Variants in RAB27A observed in about 807,000 individuals in gnomAD.
The protein encoded by RAB27A is ras-related protein Rab-27A.
A neutral mutation model predicts 20.8 loss-of-function variants in RAB27A; 17 were observed. That is an observed-to-expected ratio of 0.82 (90% CI 0.56 to 1.23). RAB27A has a LOEUF of 1.23. Among genes scored for constraint, RAB27A ranks in the 50% most tolerant of loss-of-function variants. The probability of loss-of-function intolerance (pLI) is 0.00; values close to 1 mark genes in which losing one functional copy is unlikely to be tolerated. For synonymous variants in RAB27A, 85 were observed against 92.8 expected (o/e 0.92, Z 0.48); for missense variants, 277 against 266.7 (o/e 1.04, Z -0.27).
chr15:55,211,494 TA>T (rs1190467435), intron 6 of RAB27A, among the ~76,000 whole-genome samples: 9 of 152,222 alleles, frequency 5.9e-5, no homozygotes, highest in African/African-American at 2.2e-4. Context: ...GATTTCTAGG[TA>T]TTTTATATTC....
intron 2 of RAB27A, among the ~76,000 whole-genome samples, chr15:55,304,454 A>G (rs949147390): frequency 1.4e-5 from 2 of 138,530 alleles, no homozygotes; most frequent in Non-Finnish European, 3.0e-5. Flanking sequence ...CCCAAGAATT[A>G]TCAATAAAAA....
At chr15:55,276,053 AT>A (rs1300566592) in intron 1 of RAB27A, among the ~76,000 whole-genome samples, 1 of 152,112 alleles carries the variant, frequency 6.6e-6, no homozygotes, top group African/African-American at 2.4e-5. Flanking sequence ...CTTTAAAAAA[AT>A]GTTTTCAAAA....
intron 2 of RAB27A, among the ~76,000 whole-genome samples, chr15:55,303,545 C>T (rs1455008687): frequency 1.7e-5 from 1 of 60,060 alleles, no homozygotes; most frequent in Non-Finnish European, 3.0e-5. Flanking sequence ...CCAGCCGCCC[C>T]GTCCGGGAGG....
intron 1 of RAB27A, chr15:55,288,889 CTT>C (rs1261308379): frequency 6.6e-6 from 1 of 151,754 alleles, no homozygotes; most frequent in African/African-American, 2.4e-5. Context: ...TTACAGAAAA[CTT>C]AAATAGCACA....
At chr15:55,220,245 G>C (rs1017115470) in intron 6 of RAB27A, among the ~76,000 whole-genome samples, 4 of 147,448 alleles carry the variant, frequency 2.7e-5, no homozygotes, top group African/African-American at 1.0e-4. Context: ...GGGTTTTTTT[G>C]TTTGTTTGTT....
intron 2 of RAB27A, among the ~76,000 whole-genome samples, chr15:55,252,905 C>T (rs572161296): frequency 2.0e-5 from 3 of 152,016 alleles, no homozygotes; most frequent in Non-Finnish European, 2.9e-5. Context: ...GAGGCCAAGG[C>T]GGGTGGATCA....
At chr15:55,269,498 G>A (rs142010772) in intron 2 of RAB27A, among the ~76,000 whole-genome samples, 4,394 of 152,254 alleles carry the variant, frequency 0.029, 76 homozygotes, top group Non-Finnish European at 0.041. Flanking sequence ...TGTAATCCCA[G>A]CACTTTGGGA....
chr15:55,295,113 A>C (rs1168922926), intron 2 of RAB27A, among the ~76,000 whole-genome samples: 1 of 152,202 alleles, frequency 6.6e-6, no homozygotes, highest in African/African-American at 2.4e-5. Flanking sequence ...TTAGTCATTA[A>C]GAAAATGTGA....
chr15:55,293,051 G>A (rs1432534639), upstream of RAB27A, among the ~76,000 whole-genome samples: 7 of 152,116 alleles, frequency 4.6e-5, no homozygotes, highest in Non-Finnish European at 1.0e-4. Context: ...ACTTCTTACT[G>A]CAGCCACAGA....
intron 6 of RAB27A, 107 bp from the exon 7 acceptor site, chr15:55,205,812 T>C: frequency 9.4e-7 from 1 of 1,065,534 alleles, no homozygotes; most frequent in Non-Finnish European, 1.4e-6. Flanking sequence ...ATATACAAGA[T>C]GACAAACATT....
rs540354545 is a variant in RAB27A at position 55,212,988 on chromosome 15, G to C, written c.468-7283C>G. Among the ~76,000 whole-genome samples, 33 of 152,256 alleles carry C rather than the reference G, an allele frequency of 2.2e-4. No homozygotes were observed. In the South Asian group the frequency reaches 3.9e-3, roughly 18 times the overall value. On this transcript the variant is annotated intron_variant, in intron 6 of 6. Transcript: ENST00000336787. ...TGTCGAAGTCATCCTTTATACATTT[G>C]AGATGGTCTTTGCAACAGGATTAAT...
chr15:55,254,278 T>C (rs550733994), intron 2 of RAB27A, among the ~76,000 whole-genome samples: 36 of 152,124 alleles, frequency 2.4e-4, no homozygotes, highest in Non-Finnish European at 4.9e-4. Flanking sequence ...TTCCTATACA[T>C]ACTTGCTTAT....
intron 6 of RAB27A, among the ~76,000 whole-genome samples, chr15:55,215,404 G>A (rs929402619): frequency 2.0e-5 from 3 of 152,118 alleles, no homozygotes; most frequent in African/African-American, 7.2e-5. Flanking sequence ...TGTCATCCCA[G>A]CACTTTGGGA....
At chr15:55,236,722 G>A (rs8038540) in intron 2 of RAB27A, among the ~76,000 whole-genome samples, 6,933 of 151,968 alleles carry the variant, frequency 0.046, 546 homozygotes, top group African/African-American at 0.16. Flanking sequence ...AAATTTTATT[G>A]ATACATAATA....
rs564972622 is a variant in RAB27A, at chr15:55,277,974, T to C, written c.-142-7690A>G. ...GAAAGATAATATCTGCTTTGAAAGA[T>C]TGTTGAGGATTAAATGAGAAAATGT... On this transcript the variant is annotated intron_variant, in intron 1 of 6. Coordinates refer to ENST00000336787, the MANE Select transcript of RAB27A (RefSeq NM_183235.3). Among the ~76,000 whole-genome samples, 6 of 152,360 alleles carry C rather than the reference T, an allele frequency of 3.9e-5. No homozygotes were observed. The East Asian group carries it at 1.2e-3, about 29-fold the overall frequency.
At position 55,262,415 on chromosome 15, in the gene RAB27A, A is replaced by G. The variant is rs138066519; in HGVS notation, c.-23+7750T>C. Among the ~76,000 whole-genome samples, 845 of 151,616 alleles carry G rather than the reference A, an allele frequency of 5.6e-3. 7 individuals carry two copies. Among genetic ancestry groups the G allele is most frequent in the African/African-American group, 0.019 (803 of 41,382 alleles). On this transcript the variant is annotated intron_variant, in intron 2 of 6. Transcript: ENST00000336787. ...AAATTAGCCGGGCGTGGTGGTAGGC[A>G]CCTGTAGTCTCAGGTACTCGGGAGG...
At chr15:55,231,315 C>T (rs1455881517) in intron 3 of RAB27A, among the ~76,000 whole-genome samples, 10 of 151,990 alleles carry the variant, frequency 6.6e-5, no homozygotes, top group Admixed American at 6.6e-4. Flanking sequence ...AACAATTTTC[C>T]CTTGTCCCAT....
At chr15:55,223,081 A>C (rs1895650097) in intron 6 of RAB27A, among the ~76,000 whole-genome samples, 1 of 152,148 alleles carries the variant, frequency 6.6e-6, no homozygotes, top group South Asian at 2.1e-4. Context: ...AAGACCATAG[A>C]CTAAGCCAAA....
At chr15:55,250,354 A>G (rs371435385) in intron 2 of RAB27A, among the ~76,000 whole-genome samples, 1 of 152,218 alleles carries the variant, frequency 6.6e-6, no homozygotes, top group East Asian at 1.9e-4. Flanking sequence ...CAAGTTATTT[A>G]CTTATGCTAC....
Sources: allele counts gnomAD v4.1 joint callset (sites outside exome capture counted in the v4.1 genomes callset), GRCh38; gene constraint gnomAD v4.1.1; transcripts MANE v1.5; gene names NCBI Gene and HGNC (gene_info 2026-07-23, HGNC 2026-07-21).